Variants in MIA2 observed in about 807,000 individuals in gnomAD.
MIA2 encodes the protein MIA SH3 domain ER export factor 2.
Under a neutral mutation model 167.8 loss-of-function variants are expected in MIA2, and 127 were observed. The ratio of observed to expected loss-of-function variants is 0.76; its 90% CI spans 0.66 to 0.88. MIA2 has a LOEUF of 0.88. MIA2 is among the 40% of genes least tolerant of loss of function. The pLI is 0.00. For synonymous variants in MIA2, 552 were observed against 541.9 expected, an observed-to-expected ratio of 1.02 and a Z score of -0.26; for missense variants, 1,690 against 1,624.7, an observed-to-expected ratio of 1.04 and a Z score of -0.69.
chr14:39,307,390 A>ATTTTTTTTTTTTTT (rs373046158), intron 17 of MIA2, among the ~76,000 whole-genome samples: 2 of 67,484 alleles, frequency 3.0e-5, no homozygotes, highest in African/African-American at 9.8e-5. Context: ...AGTTAAAAGA[A>ATTTTTTTTTTTTTT]TTTTTTTTTT....
chr14:39,278,311 A>T (rs1039178071), intron 7 of MIA2, among the ~76,000 whole-genome samples: 1 of 152,020 alleles, frequency 6.6e-6, no homozygotes, highest in Non-Finnish European at 1.5e-5. Context: ...TATTTTTCAG[A>T]TGTTGCCCCT....
At chr14:39,365,650 CCTATCTATCTAT>C (rs3065047) in intron 23 of MIA2, among the ~76,000 whole-genome samples, 3,475 of 147,940 alleles carry the variant, frequency 0.023, 49 homozygotes, top group East Asian at 0.046. Flanking sequence ...TTTAAAAATA[CCTATCTATCTAT>C]CTATCTATCT....
intron 25 of MIA2, among the ~76,000 whole-genome samples, chr14:39,333,066 A>G (rs1175169111): frequency 6.6e-6 from 1 of 152,086 alleles, no homozygotes; most frequent in Non-Finnish European, 1.5e-5. Flanking sequence ...ATTCATTATA[A>G]GCATTTTTTT....
chr14:39,280,911 G>GTTTTTTTTTTTTTT (rs751903170), intron 9 of MIA2, among the ~76,000 whole-genome samples: 2 of 60,208 alleles, frequency 3.3e-5, no homozygotes, highest in Non-Finnish European at 6.0e-5. Flanking sequence ...TATTAGTTTA[G>GTTTTTTTTTTTTTT]TTTTTTTTTT....
chr14:39,301,031 C>T (rs1342718090), intron 14 of MIA2, among the ~76,000 whole-genome samples: 30 of 84,096 alleles, frequency 3.6e-4, no homozygotes, highest in African/African-American at 1.6e-3. Context: ...CACATATATA[C>T]ATATACATAC....
At chr14:39,288,081 T>C (rs1027203845) in intron 9 of MIA2, among the ~76,000 whole-genome samples, 12 of 152,226 alleles carry the variant, frequency 7.9e-5, no homozygotes, top group African/African-American at 1.9e-4. Context: ...TCCTCGGACT[T>C]CCCAAAGTGT....
chr14:39,314,628 TTCATG>T, intron 19 of MIA2, 106 bp from the exon 20 acceptor site: 2 of 498,148 alleles, frequency 4.0e-6, no homozygotes, highest in Non-Finnish European at 6.5e-6. Context: ...TTTTTTTTTT[TTCATG>T]AAGTAGAGCA....
chr14:39,288,879 A>G (rs1467956019), intron 9 of MIA2, among the ~76,000 whole-genome samples: 3 of 152,130 alleles, frequency 2.0e-5, no homozygotes, highest in South Asian at 2.1e-4. Flanking sequence ...GGATTTTTGC[A>G]TCAGTGTTCA....
intron 6 of MIA2, chr14:39,276,317 G>C (rs1395061028): frequency 6.6e-6 from 1 of 152,236 alleles, no homozygotes; most frequent in African/African-American, 2.4e-5. Context: ...CTTTGGAGGA[G>C]ATAATATAAA....
rs961216932 is a variant in MIA2, at chr14:39,263,886, G to T, written c.1887+10715G>T. On this transcript the variant is annotated intron_variant, in intron 6 of 28. Coordinates refer to ENST00000640607, the MANE Select transcript of MIA2 (RefSeq NM_001329214.4). Reference sequence around the variant, plus strand: ...TGACCTCGAGTGATTCGCCCGCCTTGGCCTCCCAAAGTGCTGGGATTATAG... The same window carrying T: ...TGACCTCGAGTGATTCGCCCGCCTTTGCCTCCCAAAGTGCTGGGATTATAG... Among the ~76,000 whole-genome samples the T allele has an allele frequency of 4.6e-5, 7 of 151,962 alleles. 1 individual carries two copies. The highest frequency in any genetic ancestry group is 2.1e-4 in the South Asian group (1 of 4,818).
chr14:39,324,207 A>G (rs1159514641), intron 24 of MIA2, among the ~76,000 whole-genome samples: 1 of 152,238 alleles, frequency 6.6e-6, no homozygotes, highest in Non-Finnish European at 1.5e-5. Flanking sequence ...GTCTTCTGGA[A>G]GTAAGCAATC....
At chr14:39,266,811 G>C (rs1269061784) in intron 6 of MIA2, 1 of 943,480 alleles carries the variant, frequency 1.1e-6, no homozygotes, top group Admixed American at 6.2e-5. Context: ...TTGGGTGTCG[G>C]GGCTGGGCCT....
intron 6 of MIA2, among the ~76,000 whole-genome samples, chr14:39,261,879 T>G (rs2055135394): frequency 6.6e-6 from 1 of 152,220 alleles, no homozygotes; most frequent in Non-Finnish European, 1.5e-5. Context: ...CTTTGTAGAC[T>G]CTGGATATTA....
intron 23 of MIA2, among the ~76,000 whole-genome samples, chr14:39,361,030 C>T (rs1202044166): frequency 6.6e-6 from 1 of 152,160 alleles, no homozygotes; most frequent in African/African-American, 2.4e-5. Flanking sequence ...TATACCAATA[C>T]TATGCTGTTT....
At chr14:39,341,495 G>A (rs1157350230) in intron 25 of MIA2, among the ~76,000 whole-genome samples, 3 of 152,102 alleles carry the variant, frequency 2.0e-5, no homozygotes, top group Admixed American at 6.6e-5. Flanking sequence ...CAGAAATTGT[G>A]GTAGCTGGGT....
chr14:39,318,946 A>C (rs1297449494), intron 22 of MIA2, among the ~76,000 whole-genome samples: 1 of 152,168 alleles, frequency 6.6e-6, no homozygotes, highest in Non-Finnish European at 1.5e-5. Context: ...TATAGTACTC[A>C]TGGTAGTCTA....
intron 25 of MIA2, among the ~76,000 whole-genome samples, chr14:39,336,037 T>G (rs1319385190): frequency 6.6e-6 from 1 of 152,224 alleles, no homozygotes; most frequent in Non-Finnish European, 1.5e-5. Flanking sequence ...TTCATGTCTT[T>G]GCTGTTGTGA....
chr14:39,372,074 G>A (rs1022452239), intron 23 of MIA2, among the ~76,000 whole-genome samples: 2 of 152,004 alleles, frequency 1.3e-5, no homozygotes, highest in Admixed American at 1.3e-4. Context: ...GTATGGGATC[G>A]GGAGCTTCCC....
At position 39,277,012 on chromosome 14, in the gene MIA2, G is replaced by A. The variant is rs1187082847; in HGVS notation, c.1966G>A (p.Ala656Thr). ...GFPWELVICAAVVGFFAVLFF... is the reference protein window; with the variant it reads ...GFPWELVICATVVGFFAVLFF... ...TCCATGGGAATTGGTGATATGTGCA[G>A]CTGTTGTTGGATTTTTTGCTGTTCT... Residue 656 changes from alanine to threonine, a missense_variant, in exon 7 of 29, where the codon GCT becomes ACT. By Grantham distance (58) the Ala-to-Thr change is moderately conservative (BLOSUM62 0). Coordinates refer to ENST00000640607, the MANE Select transcript of MIA2 (RefSeq NM_001329214.4). 3.1e-6 allele frequency: 5 copies of A among 1,613,952 alleles called. No homozygotes were observed. The highest frequency in any genetic ancestry group is 4.2e-6 in the Non-Finnish European group (5 of 1,179,882).
Sources: gnomAD v4.1 joint callset for allele counts (sites outside exome capture counted in the v4.1 genomes callset) on GRCh38, gnomAD v4.1.1 for gene constraint, MANE v1.5 for transcripts, NCBI Gene and HGNC (gene_info 2026-07-23, HGNC 2026-07-21) for gene names.